CHID1: variants seen among roughly 807,000 people sequenced by gnomAD.
CHID1 encodes the protein chitinase domain-containing protein 1.
In CHID1, 44 loss-of-function variants were observed where a neutral mutation model predicts 55.4. The observed-to-expected ratio is 0.79, with a 90% CI of 0.62 to 1.02. The LOEUF is 1.02. CHID1 is among the 50% of genes least tolerant of loss of function. The pLI, the probability that CHID1 is intolerant of heterozygous loss-of-function variation, is 0.00. For missense variants in CHID1, 491 were observed against 515.3 expected (o/e 0.95, Z 0.46); for synonymous variants, 216 against 212.9 (o/e 1.01, Z -0.13).
intron 4 of CHID1, among the ~76,000 whole-genome samples, chr11:901,560 C>T (rs1851810299): frequency 2.0e-5 from 3 of 152,232 alleles, no homozygotes; most frequent in Non-Finnish European, 4.4e-5. Flanking sequence ...CCCCACCTTC[C>T]TCCCTGGCAT....
At chr11:907,747 C>T (rs1357860789) in intron 1 of CHID1, among the ~76,000 whole-genome samples, 1 of 152,184 alleles carries the variant, frequency 6.6e-6, no homozygotes, top group African/African-American at 2.4e-5. Context: ...CAGCTGGGCA[C>T]ATGGCCTTCC....
At chr11:883,954 G>C (rs1589842006) in intron 9 of CHID1, 114 bp downstream of exon 9, 1 of 824,504 alleles carries the variant, frequency 1.2e-6, no homozygotes. Context: ...GTGACCTTGT[G>C]CACAGAACCA....
At chr11:887,800 G>A (rs969638989) in intron 8 of CHID1, among the ~76,000 whole-genome samples, 1 of 152,060 alleles carries the variant, frequency 6.6e-6, no homozygotes, top group Non-Finnish European at 1.5e-5. Flanking sequence ...GTGCTGCAAC[G>A]CCCCTGTCCC....
intron 8 of CHID1, among the ~76,000 whole-genome samples, chr11:884,948 G>A (rs1475045488): frequency 6.6e-6 from 1 of 152,246 alleles, no homozygotes; most frequent in African/African-American, 2.4e-5. Context: ...CTGGCCCAGG[G>A]AGAGCTGGGT....
upstream of CHID1, among the ~76,000 whole-genome samples, chr11:911,938 A>G (rs1269876819): frequency 1.3e-5 from 2 of 152,328 alleles, no homozygotes; most frequent in East Asian, 1.9e-4. Flanking sequence ...AGTCCTCCCA[A>G]TGCTAAGGAG....
At chr11:910,148 A>C (rs1431400919) in intron 1 of CHID1, among the ~76,000 whole-genome samples, 1 of 152,078 alleles carries the variant, frequency 6.6e-6, no homozygotes, top group Admixed American at 6.6e-5. Flanking sequence ...AGAGCCCAGG[A>C]AGTCGAGGCG....
At chr11:893,920 C>T (rs1049662280) in intron 7 of CHID1, among the ~76,000 whole-genome samples, 93 of 151,848 alleles carry the variant, frequency 6.1e-4, no homozygotes, top group Non-Finnish European at 1.1e-3. Flanking sequence ...CACCCGAGGC[C>T]AGATCGGCTT....
chr11:876,375 G>A (rs1403718003), intron 10 of CHID1, among the ~76,000 whole-genome samples: 4 of 152,186 alleles, frequency 2.6e-5, no homozygotes, highest in African/African-American at 9.7e-5. Context: ...TGAGAGGGAG[G>A]TCGGGGCTCA....
intron 1 of CHID1, among the ~76,000 whole-genome samples, chr11:910,289 G>A (rs578023835): frequency 6.6e-6 from 1 of 152,232 alleles, no homozygotes; most frequent in South Asian, 2.1e-4. Flanking sequence ...GCCCCTCACT[G>A]GGAGGGCAGC....
Position 875,677 on chromosome 11 carries a change from T to C in CHID1, c.960-5178A>G, listed in dbSNP as rs183742409. On this transcript the variant is annotated intron_variant, in intron 10 of 12. Transcript: ENST00000323578. The surrounding 1 kb of genome is among the most constrained non-coding windows in gnomAD (Gnocchi z 4.7). ...TGGCCATGAGGGGCTCGCCACACCA[T>C]TCTATGCACTTCTATGCTTGAAGAT... Among the ~76,000 whole-genome samples, 3 of 152,226 alleles carry C rather than the reference T, an allele frequency of 2.0e-5. No homozygotes were observed. Among genetic ancestry groups the C allele is most frequent in the Middle Eastern group, 3.4e-3 (1 of 294 alleles).
intron 10 of CHID1, among the ~76,000 whole-genome samples, chr11:879,432 T>A (rs1385610966): frequency 2.5e-5 from 1 of 39,796 alleles, no homozygotes; most frequent in Non-Finnish European, 4.8e-5. Context: ...TAATGCAACA[T>A]GACTGGTGTC....
intron 10 of CHID1, among the ~76,000 whole-genome samples, chr11:874,398 G>A (rs553644660): frequency 5.3e-5 from 8 of 152,314 alleles, no homozygotes; most frequent in Non-Finnish European, 8.8e-5. Context: ...GGGAGGTGGA[G>A]GCTACAGTGA....
At chr11:910,836 G>A, upstream of CHID1, 1 of 1,095,676 alleles carries the variant, frequency 9.1e-7, no homozygotes, top group Non-Finnish European at 1.1e-6. Flanking sequence ...CAGCGCGCCG[G>A]AAGTCCCGCC....
At chr11:899,482 C>T (rs1281496794) in intron 6 of CHID1, 81 bp from the exon 7 acceptor site, 13 of 1,327,184 alleles carry the variant, frequency 9.8e-6, no homozygotes, top group Non-Finnish European at 1.3e-5. Flanking sequence ...GCCACCTCGG[C>T]CCACATGGTC....
chr11:885,694 G>GC (rs1206124218), intron 8 of CHID1, among the ~76,000 whole-genome samples: 23 of 151,234 alleles, frequency 1.5e-4, no homozygotes, highest in Non-Finnish European at 3.1e-4. Flanking sequence ...CTGGGCCGAG[G>GC]CCTCCACCCA....
intron 8 of CHID1, among the ~76,000 whole-genome samples, chr11:885,041 G>A (rs1330806561): frequency 3.3e-5 from 5 of 152,220 alleles, no homozygotes; most frequent in African/African-American, 7.2e-5. Flanking sequence ...CCGAGGGGGC[G>A]GAGGGCCCCA....
At chr11:873,288 CAG>C (rs993768366) in intron 10 of CHID1, among the ~76,000 whole-genome samples, 6 of 152,122 alleles carry the variant, frequency 3.9e-5, no homozygotes, top group African/African-American at 1.4e-4. Context: ...CAGACACACA[CAG>C]GGGCTGGGTC....
At chr11:881,121 A>C (rs556220795) in intron 10 of CHID1, among the ~76,000 whole-genome samples, 2 of 152,244 alleles carry the variant, frequency 1.3e-5, no homozygotes, top group South Asian at 4.1e-4. Context: ...GGAAGACGTA[A>C]AGGGGACCCC....
At chr11:892,090 G>T (rs948731725) in intron 8 of CHID1, among the ~76,000 whole-genome samples, 1 of 152,158 alleles carries the variant, frequency 6.6e-6, no homozygotes, top group South Asian at 2.1e-4. Flanking sequence ...ACTCCAGCCT[G>T]GGCGACAGAG....
Sources: gnomAD v4.1 joint callset for allele counts (sites outside exome capture counted in the v4.1 genomes callset) on GRCh38, gnomAD v4.1.1 for gene constraint, Gnocchi (gnomAD v3.1) non-coding constraint, MANE v1.5 for transcripts, NCBI Gene and HGNC (gene_info 2026-07-23, HGNC 2026-07-21) for gene names.